Variants in PAPLN observed in about 807,000 individuals in gnomAD.
The protein encoded by PAPLN is papilin, proteoglycan like sulfated glycoprotein.
A neutral mutation model predicts 159.0 loss-of-function variants in PAPLN; 146 were observed. The ratio of observed to expected loss-of-function variants is 0.92; its 90% CI spans 0.80 to 1.05. The LOEUF (loss-of-function observed/expected upper bound fraction) is 1.05. Among genes scored for constraint, PAPLN ranks in the 50% least tolerant of loss-of-function variants. PAPLN has a pLI of 0.00. For synonymous variants in PAPLN, 734 were observed against 702.9 expected (o/e 1.04, Z -0.70); for missense variants, 1,720 against 1,743.9 (o/e 0.99, Z 0.24).
At chr14:73,257,935 T>C (rs1886114876) in intron 14 of PAPLN, among the ~76,000 whole-genome samples, 1 of 152,066 alleles carries the variant, frequency 6.6e-6, no homozygotes, top group Admixed American at 6.5e-5. Context: ...AGCTAATTTT[T>C]GTATTTTCAG....
At chr14:73,241,537 C>T (rs944989799) in intron 2 of PAPLN, among the ~76,000 whole-genome samples, 1 of 152,230 alleles carries the variant, frequency 6.6e-6, no homozygotes, top group Admixed American at 6.5e-5. Context: ...ACCTTTTCTC[C>T]CTTAAGGCCA....
At chr14:73,253,669 C>T in intron 11 of PAPLN, 85 bp from the exon 12 acceptor site, 1 of 1,329,738 alleles carries the variant, frequency 7.5e-7, no homozygotes. Flanking sequence ...CTCAGGCCAC[C>T]TGTGTGAGTG....
At chr14:73,243,371 C>G (rs1394073933) in intron 2 of PAPLN, 1 of 152,104 alleles carries the variant, frequency 6.6e-6, no homozygotes, top group African/African-American at 2.4e-5. Context: ...GTGGTGATAC[C>G]CTAAAAGAAA....
rs749026488 is a variant in PAPLN, at chr14:73,266,746, C to T, written c.3415C>T (p.Pro1139Ser). The T allele has an allele frequency of 2.0e-5, 33 of 1,613,904 alleles. No homozygotes were observed. Among genetic ancestry groups the T allele is most frequent in the Non-Finnish European group, 2.8e-5 (33 of 1,179,908 alleles). Residue 1139 changes from proline (P) to serine (S), a missense_variant, in exon 25 of 27, where the codon CCC becomes TCC. Coordinates refer to ENST00000644200, the MANE Select transcript of PAPLN (RefSeq NM_001365906.3). ...AGGGGAGCTGACAATCTCAGGACTG[C>T]CCCCTACTGTGACAGTGCCAGAGGG... ...VLGELTISGL[P>S]PTVTVPEGDT...
chr14:73,264,216 G>A lies in PAPLN; in HGVS notation c.2867G>A (p.Arg956Lys), dbSNP rs867880421. 1.9e-6 allele frequency: 3 copies of A among 1,613,836 alleles called. No homozygotes were observed. ...TCCCACACCACCCCACTCAGGCACA[G>A]GCTGCAGTTCGACGGATCCCTGATC... The part of the protein sequence containing the change: ...DGQPISSDRH[R>K]LQFDGSLIIH... The change falls in exon 21 of 27, where the codon AGG becomes AAG. Residue 956 changes from arginine (R) to lysine (K), a missense_variant. By Grantham distance (26) the Arg-to-Lys change is conservative (BLOSUM62 2). Coordinates refer to ENST00000644200, the MANE Select transcript of PAPLN (RefSeq NM_001365906.3).
At chr14:73,250,441 T>G (rs1038050415) in intron 6 of PAPLN, among the ~76,000 whole-genome samples, 1 of 152,188 alleles carries the variant, frequency 6.6e-6, no homozygotes, top group Non-Finnish European at 1.5e-5. Context: ...TTCCTCTCCT[T>G]GGGTCCAGCA....
intron 14 of PAPLN, among the ~76,000 whole-genome samples, chr14:73,258,410 T>C (rs1386270037): frequency 6.6e-6 from 1 of 152,120 alleles, no homozygotes; most frequent in African/African-American, 2.4e-5. Flanking sequence ...AAAAAGTATG[T>C]TCTGTTTTTT....
intron 22 of PAPLN, 121 bp downstream of exon 22, chr14:73,264,847 T>C (rs1887056550): frequency 6.7e-7 from 1 of 1,490,420 alleles, no homozygotes; most frequent in Non-Finnish European, 9.1e-7. Context: ...CTCAGGGCTC[T>C]GGGAGGCCAG....
chr14:73,256,763 A>G (rs1303718272), intron 14 of PAPLN, among the ~76,000 whole-genome samples: 11 of 152,110 alleles, frequency 7.2e-5, no homozygotes, highest in African/African-American at 2.4e-4. Flanking sequence ...TGTGCCTGTA[A>G]TCCCAGCTAC....
At chr14:73,246,232 A>G (rs1884299143) in intron 5 of PAPLN, 57 bp downstream of exon 5, 5 of 1,396,062 alleles carry the variant, frequency 3.6e-6, no homozygotes, top group Non-Finnish European at 4.8e-6. Context: ...CGTTGATGCC[A>G]CAGTTCCTAT....
In PAPLN at chr14:73,251,738, G is replaced by A; in HGVS notation, c.745G>A (p.Ala249Thr). The A allele has an allele frequency of 6.2e-7, 1 of 1,613,236 alleles. No homozygotes were observed. ...TIEAARALPA[A>T]STILHYERGA... ...CGAGGCGGCCCGGGCCCTGCCAGCA[G>A]CCAGCACCATCCTGCATTACGAGCG... The change falls in exon 9 of 27, where the codon GCC (alanine) becomes ACC (threonine). Residue 249 changes from alanine to threonine, a missense_variant. Transcript: ENST00000644200.
chr14:73,252,923 A>T, intron 11 of PAPLN, 148 bp downstream of exon 11: 1 of 1,376,226 alleles, frequency 7.3e-7, no homozygotes, highest in Non-Finnish European at 9.8e-7. Context: ...GAGAGGTGGC[A>T]GCTCTTCCTG....
chr14:73,265,904 C>T lies in PAPLN; in HGVS notation c.3263+397C>T, dbSNP rs1887165952. The stretch of plus-strand genomic sequence containing the variant: ...GGTGCTGTTTTCCCCCCATTTTACA[C>T]ACAGAAGCTTAACATCACACAGCTT... On this transcript the variant is annotated intron_variant, in intron 23 of 26. Transcript: ENST00000644200. The surrounding 1 kb of genome is among the most constrained non-coding windows in gnomAD (Gnocchi z 4.1). Among the ~76,000 whole-genome samples the T allele has an allele frequency of 1.3e-5, 2 of 152,186 alleles. No individual in the cohort carries two copies. The highest frequency in any genetic ancestry group is 1.3e-4 in the Admixed American group (2 of 15,284).
chr14:73,248,937 C>A (rs1429057129), intron 5 of PAPLN, among the ~76,000 whole-genome samples: 3 of 152,078 alleles, frequency 2.0e-5, no homozygotes, highest in Non-Finnish European at 2.9e-5. Context: ...TTGAAACCAG[C>A]CTGGGTATCG....
In PAPLN at chr14:73,252,004, C is replaced by A. The variant is rs1284781896; in HGVS notation, c.844-14C>A. 1 of 1,598,404 alleles carries A rather than the reference C, an allele frequency of 6.3e-7. No individual in the cohort carries two copies. The highest frequency in any genetic ancestry group is 8.5e-7 in the Non-Finnish European group (1 of 1,171,286). ...CCCCAGCAGCAGACCCCAACAAGGA[C>A]TCTCCCGTGACAGCTCATCAGCCAG... On this transcript the variant is annotated splice_polypyrimidine_tract_variant and intron_variant, in intron 9 of 26. Transcript: ENST00000644200.
chr14:73,244,370 G>T (rs1883948527), intron 2 of PAPLN: 1 of 377,842 alleles, frequency 2.6e-6, no homozygotes, highest in East Asian at 5.7e-5. Context: ...CTCCCCTCCA[G>T]TGGCCCCTGA....
chr14:73,259,385 G>A lies in PAPLN; in HGVS notation c.1825G>A (p.Ala609Thr), dbSNP rs533204134. Residue 609 changes from alanine (A) to threonine (T), a missense_variant, in exon 16 of 27, where the codon GCT becomes ACT. By Grantham distance (58) the Ala-to-Thr change is moderately conservative. Transcript: ENST00000644200. Reference sequence around the variant, plus strand: ...CACCCACCTGTCAGCCCTGGGCCCCGCTCCCTCTCTGCAGCAGCCCCCATA... The same window carrying A: ...CACCCACCTGTCAGCCCTGGGCCCCACTCCCTCTCTGCAGCAGCCCCCATA... ...QGTHLSALGP[A>T]PSLQQPPYQQ... is the part of the protein sequence containing the mutation. 17 of 1,612,040 alleles carry A rather than the reference G, an allele frequency of 1.1e-5. No homozygotes were observed. In the South Asian group the frequency reaches 1.1e-4, roughly 10 times the overall value.
intron 17 of PAPLN, among the ~76,000 whole-genome samples, 159 bp downstream of exon 17, chr14:73,260,988 A>T (rs571736012): frequency 1.3e-5 from 2 of 152,230 alleles, no homozygotes; most frequent in African/African-American, 4.8e-5. Context: ...GGCTTCAAAG[A>T]TGGGCCTGGG....
chr14:73,266,467 G>A (rs1436500581), intron 23 of PAPLN, 34 bp from the exon 24 acceptor site: 6 of 1,610,250 alleles, frequency 3.7e-6, no homozygotes, highest in South Asian at 1.1e-5. Flanking sequence ...GAGGCTCCTT[G>A]GGCTGGAGCC....
Sources: gnomAD v4.1 joint callset for allele counts (sites outside exome capture counted in the v4.1 genomes callset) on GRCh38, gnomAD v4.1.1 for gene constraint, Gnocchi (gnomAD v3.1) non-coding constraint, MANE v1.5 for transcripts, NCBI Gene and HGNC (gene_info 2026-07-23, HGNC 2026-07-21) for gene names.